The following ARMCX4 variants were observed in gnomAD, a reference collection of about 807,000 sequenced individuals.
ARMCX4 encodes the protein armadillo repeat-containing X-linked protein 4.
In ARMCX4, 3 loss-of-function variants were observed where a neutral mutation model predicts 34.7. That is an observed-to-expected ratio of 0.09 (90% CI 0.04 to 0.22). The LOEUF (loss-of-function observed/expected upper bound fraction) is 0.22. Ranked by LOEUF, ARMCX4 falls within the 10% of genes least tolerant of loss-of-function variation. The probability of loss-of-function intolerance (pLI) is 1.00; values close to 1 mark genes in which losing one functional copy is unlikely to be tolerated. For missense variants in ARMCX4, 1,448 were observed against 1,720.8 expected, an observed-to-expected ratio of 0.84 and a Z score of 2.81; for synonymous variants, 513 against 632.8, an observed-to-expected ratio of 0.81 and a Z score of 2.84.
intron 11 of ARMCX4, among the ~76,000 whole-genome samples, chrX:101,527,924 C>G (rs1556021088): frequency 8.9e-6 from 1 of 111,910 alleles, no homozygotes. Flanking sequence ...TGGTACCATT[C>G]CTTCTGAAAC....
intron 11 of ARMCX4, among the ~76,000 whole-genome samples, chrX:101,527,756 A>T (rs1247192563): frequency 8.9e-5 from 10 of 112,006 alleles, no homozygotes; most frequent in Non-Finnish European, 5.6e-5. Flanking sequence ...TCCTCGACAC[A>T]TACACCCTTC....
chrX:101,477,430 C>CAAAAAAAAAAAAAAAAAA (rs1156582627), intron 4 of ARMCX4, among the ~76,000 whole-genome samples: 2 of 12,496 alleles, frequency 1.6e-4, no homozygotes, highest in African/African-American at 5.9e-4. Context: ...GACTCTGTCT[C>CAAAAAAAAAAAAAAAAAA]AAAAAAAAAA....
downstream of ARMCX4, among the ~76,000 whole-genome samples, chrX:101,446,905 G>T (rs1931676896): frequency 9.1e-6 from 1 of 109,940 alleles, no homozygotes; most frequent in Non-Finnish European, 1.9e-5. Context: ...AGTGAGCCAA[G>T]ATTGCGCCAC....
chrX:101,453,054 TTAGA>T (rs1416505090), intron 4 of ARMCX4, among the ~76,000 whole-genome samples: 2 of 109,932 alleles, frequency 1.8e-5, no homozygotes. Flanking sequence ...GTTAGAACGG[TTAGA>T]TAGTTTTTTT....
At chrX:101,432,356 G>A (rs1466367994) in intron 2 of ARMCX4, among the ~76,000 whole-genome samples, 1 of 111,484 alleles carries the variant, frequency 9.0e-6, no homozygotes, top group African/African-American at 3.3e-5. Context: ...CAAGACACCA[G>A]CCTTCTAAAA....
intron 8 of ARMCX4, among the ~76,000 whole-genome samples, chrX:101,508,415 A>C (rs1603222750): frequency 9.0e-6 from 1 of 111,128 alleles, no homozygotes; most frequent in East Asian, 2.8e-4. Context: ...GTATATGGCC[A>C]CCTTCTTGTT....
rs782267616 is a variant in ARMCX4, at chrX:101,431,704, C to T, written n.165-12348C>T. ...GACTACAGGCACCCGCCACCATGCCCGGCTAATTTTTTGTATTTTTAATAG... is the reference window on the plus strand; with the variant it reads ...GACTACAGGCACCCGCCACCATGCCTGGCTAATTTTTTGTATTTTTAATAG... On this transcript the variant is annotated intron_variant and non_coding_transcript_variant, in intron 2 of 3. Coordinates refer to the ARMCX4 transcript ENST00000430461. Among the ~76,000 whole-genome samples the T allele has an allele frequency of 2.2e-3, 246 of 110,695 alleles. 1 individual carries two copies. The highest frequency in any genetic ancestry group is 3.0e-3 in the Non-Finnish European group (159 of 52,862).
In ARMCX4 at chrX:101,494,054, A is replaced by ATGG; in HGVS notation, c.5465_5466insTGG (p.Glu1822delinsAspGly). 3.9e-6 allele frequency: 1 copy of ATGG among 259,019 alleles called. No individual in the cohort carries two copies. The highest frequency in any genetic ancestry group is 5.9e-6 in the Non-Finnish European group (1 of 170,234). The allele number at this position is 259,019 out of a possible 1,213,427, so 21.3% of individuals were successfully genotyped here. On this transcript the variant is annotated protein_altering_variant, in exon 6 of 6. Transcript: ENST00000423738. The stretch of plus-strand genomic sequence containing the variant: ...GGGGCTGAGGCTGGGGCTGGGGCTG[A>ATGG]GGCTGGGGCTGGGGCTGGGGCTGAG...
intron 3 of ARMCX4, among the ~76,000 whole-genome samples, chrX:101,444,485 G>A (rs1233472935): frequency 8.9e-6 from 1 of 111,984 alleles, no homozygotes; most frequent in Non-Finnish European, 1.9e-5. Flanking sequence ...GACAATTTTA[G>A]CAAGAATCCC....
At chrX:101,459,027 A>G (rs1332915116) in intron 4 of ARMCX4, among the ~76,000 whole-genome samples, 2 of 111,779 alleles carry the variant, frequency 1.8e-5, no homozygotes, top group Non-Finnish European at 1.9e-5. Flanking sequence ...GGGACCCCTG[A>G]TAATACTGGG....
intron 4 of ARMCX4, among the ~76,000 whole-genome samples, chrX:101,453,330 C>G (rs1409788961): frequency 8.9e-6 from 1 of 112,332 alleles, no homozygotes; most frequent in Non-Finnish European, 1.9e-5. Flanking sequence ...CTCCATGGCT[C>G]TAAGCCCCTA....
Position 101,485,560 on chromosome X carries a change from C to T in ARMCX4, c.-437+30C>T, listed in dbSNP as rs1556006555. ...GGGCCCTGGGGCCCGCGCGCCCTGG[C>T]CAGGCCGGCAGAAGCTCACTGACCC... On this transcript the variant is annotated intron_variant, in intron 1 of 5. Coordinates refer to ENST00000423738, the MANE Select transcript of ARMCX4 (RefSeq NM_001256155.3). 2.3e-5 allele frequency: 7 copies of T among 306,448 alleles called. 1 individual carries two copies. Among genetic ancestry groups the T allele is most frequent in the East Asian group, 4.4e-4 (2 of 4,537 alleles). 25.3% of individuals were successfully genotyped at this position (306,448 alleles called of 1,213,427 possible). A position where few individuals can be genotyped will look rare whatever the true frequency, so the allele number is the denominator to read the frequency against.
intron 2 of ARMCX4, among the ~76,000 whole-genome samples, chrX:101,420,681 G>A (rs782370664): frequency 5.3e-5 from 6 of 112,378 alleles, no homozygotes; most frequent in Admixed American, 9.4e-5. Flanking sequence ...GATTGGAGGT[G>A]AGAGTTGGAG....
At chrX:101,457,996 C>T (rs1412979950) in intron 4 of ARMCX4, among the ~76,000 whole-genome samples, 3 of 110,840 alleles carry the variant, frequency 2.7e-5, no homozygotes, top group African/African-American at 6.6e-5. Context: ...CCAGCTTCGG[C>T]CTCCCAAAGT....
intron 11 of ARMCX4, among the ~76,000 whole-genome samples, chrX:101,527,562 A>T (rs1935007389): frequency 8.9e-6 from 1 of 111,812 alleles, no homozygotes. Flanking sequence ...TGAAAAGATC[A>T]ACAAAATTGA....
intron 11 of ARMCX4, chrX:101,524,109 T>C (rs1023395818): frequency 1.8e-5 from 2 of 111,429 alleles, no homozygotes; most frequent in African/African-American, 3.3e-5. Context: ...CTCTGTGAGA[T>C]AGTTCTAGGA....
intron 11 of ARMCX4, among the ~76,000 whole-genome samples, chrX:101,519,827 C>T (rs939730930): frequency 1.7e-4 from 19 of 111,129 alleles, no homozygotes; most frequent in Admixed American, 1.9e-4. Context: ...TCCTCATCAA[C>T]ACTGGTTATC....
At chrX:101,466,430 A>G (rs782033925) in intron 4 of ARMCX4, among the ~76,000 whole-genome samples, 6 of 112,107 alleles carry the variant, frequency 5.4e-5, no homozygotes, top group Non-Finnish European at 7.5e-5. Context: ...AAAGACTTGC[A>G]TGCAAATATT....
chrX:101,431,705 G>T (rs1019011732), intron 2 of ARMCX4, among the ~76,000 whole-genome samples: 2 of 110,670 alleles, frequency 1.8e-5, no homozygotes, highest in South Asian at 3.8e-4. Flanking sequence ...CACCATGCCC[G>T]GCTAATTTTT....
Sources: allele counts gnomAD v4.1 joint callset (sites outside exome capture counted in the v4.1 genomes callset), GRCh38; gene constraint gnomAD v4.1.1; transcripts MANE v1.5; gene names NCBI Gene and HGNC (gene_info 2026-07-23, HGNC 2026-07-21).